CNTLN: variants seen among roughly 807,000 people sequenced by gnomAD.
CNTLN encodes centlein, centrosomal protein.
Under a neutral mutation model 180.0 loss-of-function variants are expected in CNTLN, and 212 were observed. The ratio of observed to expected loss-of-function variants is 1.18; its 90% CI spans 1.05 to 1.32. The LOEUF (loss-of-function observed/expected upper bound fraction) is 1.32, where lower values mean the gene tolerates loss of function less well. Among genes scored for constraint, CNTLN ranks in the 40% most tolerant of loss-of-function variants. The pLI is 0.00. For missense variants in CNTLN, 2,095 were observed against 1,610.9 expected (o/e 1.30, Z -5.14); for synonymous variants, 722 against 563.1 (o/e 1.28, Z -3.99).
intron 13 of CNTLN, among the ~76,000 whole-genome samples, chr9:17,378,879 C>G (rs992200188): frequency 6.6e-6 from 1 of 152,138 alleles, no homozygotes; most frequent in Non-Finnish European, 1.5e-5. Context: ...TTCTGTAGAT[C>G]CATATTTCCA....
At chr9:17,520,974 G>C in the CNTLN span, among the ~76,000 whole-genome samples, 1 of 152,124 alleles carries the variant, frequency 6.6e-6, no homozygotes, top group Non-Finnish European at 1.5e-5. Flanking sequence ...CAGGTCTGAA[G>C]CATGAAAAAT....
rs1176932359 is a variant in CNTLN, at chr9:17,265,911, T to C, written c.850-7822T>C. On this transcript the variant is annotated intron_variant, in intron 5 of 25. Coordinates refer to ENST00000380647, the MANE Select transcript of CNTLN (RefSeq NM_017738.4). ...CCCCTTTATCATTTTTTATTGCATC[T>C]ATTTGATTCTTCTCTCTTTTTTTCT... Among the ~76,000 whole-genome samples the C allele has an allele frequency of 2.6e-5, 4 of 151,854 alleles. No homozygotes were observed. The East Asian group carries it at 6.0e-4, about 23-fold the overall frequency.
intron 23 of CNTLN, among the ~76,000 whole-genome samples, chr9:17,473,459 C>G (rs747052388): frequency 1.3e-5 from 2 of 152,046 alleles, no homozygotes; most frequent in Non-Finnish European, 2.9e-5. Flanking sequence ...GAGCTAATAC[C>G]TCACTTTGCA....
chr9:17,168,717 T>G (rs1245506327), intron 2 of CNTLN, among the ~76,000 whole-genome samples: 3 of 152,218 alleles, frequency 2.0e-5, no homozygotes, highest in Non-Finnish European at 4.4e-5. Flanking sequence ...AGGTATCTAT[T>G]TATTTTGTTA....
chr9:17,301,566 G>T, intron 7 of CNTLN: 1 of 984,642 alleles, frequency 1.0e-6, no homozygotes, highest in Non-Finnish European at 1.2e-6. Flanking sequence ...GGGAGTAGGG[G>T]GCTTCACTGA....
At position 17,391,642 on chromosome 9, in the gene CNTLN, A is replaced by G. The variant is rs538473437; in HGVS notation, c.2080-2892A>G. On this transcript the variant is annotated intron_variant, in intron 14 of 25. Transcript: ENST00000380647. Reference sequence around the variant, plus strand: ...TTGGAATCTCAAATTTAAGATATTTATTTGTTATATTTGTTTATAACATAA... The same window carrying G: ...TTGGAATCTCAAATTTAAGATATTTGTTTGTTATATTTGTTTATAACATAA... Among the ~76,000 whole-genome samples the G allele has an allele frequency of 3.9e-5, 6 of 152,332 alleles. No individual in the cohort carries two copies. The East Asian group carries it at 9.6e-4, about 24-fold the overall frequency.
At chr9:17,355,331 C>A (rs956440271) in intron 12 of CNTLN, among the ~76,000 whole-genome samples, 1 of 152,120 alleles carries the variant, frequency 6.6e-6, no homozygotes, top group Admixed American at 6.5e-5. Flanking sequence ...AGCCATAGTT[C>A]TTTACATATT....
the CNTLN span, among the ~76,000 whole-genome samples, chr9:17,513,686 A>G: frequency 1.3e-5 from 2 of 152,216 alleles, no homozygotes; most frequent in Non-Finnish European, 2.9e-5. Context: ...CCTGGGCAAC[A>G]GAATGCGACC....
At chr9:17,472,106 A>T (rs77762794) in intron 23 of CNTLN, among the ~76,000 whole-genome samples, 606 of 152,252 alleles carry the variant, frequency 4.0e-3, no homozygotes, top group Non-Finnish European at 7.0e-3. Context: ...TAATCAATGC[A>T]TTGGAATTGA....
chr9:17,453,021 G>C (rs1444963387), intron 18 of CNTLN, among the ~76,000 whole-genome samples: 1 of 152,102 alleles, frequency 6.6e-6, no homozygotes, highest in Non-Finnish European at 1.5e-5. Flanking sequence ...AAATTAAAAA[G>C]AAAATGGGGG....
At chr9:17,290,594 G>C (rs1326037721) in intron 6 of CNTLN, among the ~76,000 whole-genome samples, 1 of 141,016 alleles carries the variant, frequency 7.1e-6, no homozygotes, top group East Asian at 2.0e-4. Flanking sequence ...AATGGCGGGC[G>C]CCCCTCCCCC....
chr9:17,396,164 ATCG>A (rs368932528), intron 15 of CNTLN, among the ~76,000 whole-genome samples: 9 of 152,238 alleles, frequency 5.9e-5, no homozygotes, highest in African/African-American at 2.2e-4. Context: ...AGTTTAGCAT[ATCG>A]TCAAGAAATA....
At chr9:17,358,480 G>A (rs959602989) in intron 12 of CNTLN, among the ~76,000 whole-genome samples, 4 of 151,990 alleles carry the variant, frequency 2.6e-5, no homozygotes, top group East Asian at 1.9e-4. Context: ...TAAAAATATA[G>A]TTACACATAA....
intron 6 of CNTLN, among the ~76,000 whole-genome samples, chr9:17,295,997 AGTGTGTGT>A (rs66515360): frequency 0.12 from 10,950 of 90,940 alleles, 512 homozygotes; most frequent in South Asian, 0.21. Flanking sequence ...AGAGAGAGAG[AGTGTGTGT>A]GTGTGTGTGT....
intron 23 of CNTLN, among the ~76,000 whole-genome samples, chr9:17,478,600 C>T (rs1369040579): frequency 1.3e-5 from 2 of 151,850 alleles, no homozygotes; most frequent in Non-Finnish European, 2.9e-5. Flanking sequence ...ACTCAAGCGT[C>T]TTCTAGAAAT....
chr9:17,153,253 TGTTCTTTACAATTTG>T (rs1234511532), intron 2 of CNTLN, among the ~76,000 whole-genome samples: 2 of 152,250 alleles, frequency 1.3e-5, no homozygotes, highest in East Asian at 1.9e-4. Context: ...ATAGTGTCAA[TGTTCTTTACAATTTG>T]GTATGTTTTT....
At chr9:17,215,855 C>A (rs113499069) in intron 2 of CNTLN, among the ~76,000 whole-genome samples, 6 of 152,236 alleles carry the variant, frequency 3.9e-5, no homozygotes, top group South Asian at 2.1e-4. Context: ...CTGAGCCAGG[C>A]GCGGGGTATA....
At chr9:17,267,857 G>C (rs1231025158) in intron 5 of CNTLN, among the ~76,000 whole-genome samples, 3 of 151,932 alleles carry the variant, frequency 2.0e-5, no homozygotes, top group Non-Finnish European at 2.9e-5. Flanking sequence ...TGCAGTCCAC[G>C]TAGCTCTTGT....
chr9:17,137,045 T>C (rs1156724811), intron 1 of CNTLN, among the ~76,000 whole-genome samples: 1 of 152,212 alleles, frequency 6.6e-6, no homozygotes, highest in Non-Finnish European at 1.5e-5. Context: ...GAAGTCAGTC[T>C]ATTGGAAACA....
Sources: allele counts gnomAD v4.1 joint callset (sites outside exome capture counted in the v4.1 genomes callset), GRCh38; gene constraint gnomAD v4.1.1; transcripts MANE v1.5; gene names NCBI Gene and HGNC (gene_info 2026-07-23, HGNC 2026-07-21).